ABCB11: variants seen among roughly 807,000 people sequenced by gnomAD.
ABCB11 encodes the protein ATP binding cassette subfamily B member 11.
ABCB11 carries 95 observed loss-of-function variants against 148.0 expected under a neutral mutation model. The observed-to-expected ratio is 0.64, with a 90% confidence interval of 0.54 to 0.76. The LOEUF is 0.76. ABCB11 is among the 30% of genes least tolerant of loss of function. ABCB11 has a pLI of 0.00. For missense variants in ABCB11, 1,523 were observed against 1,617.8 expected (o/e 0.94, Z 1.01); for synonymous variants, 591 against 555.4 (o/e 1.06, Z -0.90).
In ABCB11 at chr2:168,944,510, T is replaced by G. The variant is rs1376973809; in HGVS notation, c.2610+95A>C. ...AGGATATCCCAATCCCACTGGTCCCTATTCCATAGAAAACATGCAGGTGAT... is the reference window on the plus strand; with the variant it reads ...AGGATATCCCAATCCCACTGGTCCCGATTCCATAGAAAACATGCAGGTGAT... On this transcript the variant is annotated intron_variant, in intron 21 of 27. Transcript: ENST00000650372. 2.4e-5 allele frequency: 33 copies of G among 1,361,030 alleles called. No individual in the cohort carries two copies. In the South Asian group the frequency reaches 4.8e-4, roughly 20 times the overall value. 84.3% of individuals were successfully genotyped at this position (1,361,030 alleles called of 1,614,324 possible). A position where few individuals can be genotyped will look rare whatever the true frequency, so the allele number is the denominator to read the frequency against.
intron 5 of ABCB11, 37 bp downstream of exon 5, chr2:169,013,235 G>T: frequency 2.0e-6 from 3 of 1,506,556 alleles, no homozygotes; most frequent in Non-Finnish European, 2.7e-6. Flanking sequence ...TAAGATATGA[G>T]CAAAAAAGTA....
At chr2:168,965,137 G>A (rs1275784905) in intron 17 of ABCB11, among the ~76,000 whole-genome samples, 2 of 151,820 alleles carry the variant, frequency 1.3e-5, no homozygotes, top group African/African-American at 2.4e-5. Flanking sequence ...TGGATGAGAT[G>A]GCTAAGGTAG....
intron 5 of ABCB11, among the ~76,000 whole-genome samples, chr2:169,012,237 T>C (rs966530290): frequency 6.6e-6 from 1 of 152,186 alleles, no homozygotes; most frequent in Non-Finnish European, 1.5e-5. Flanking sequence ...CCCTTGATTC[T>C]TGAACCTGAA....
intron 6 of ABCB11, among the ~76,000 whole-genome samples, chr2:168,996,337 A>C (rs566802411): frequency 6.6e-6 from 1 of 152,082 alleles, no homozygotes; most frequent in South Asian, 2.1e-4. Context: ...TGCCCCCTAC[A>C]AACACACCTG....
At chr2:168,983,679 T>C (rs961372342) in intron 10 of ABCB11, among the ~76,000 whole-genome samples, 3 of 152,158 alleles carry the variant, frequency 2.0e-5, no homozygotes, top group Admixed American at 6.6e-5. Context: ...GATAATCACT[T>C]CCATTTGCAA....
intron 19 of ABCB11, among the ~76,000 whole-genome samples, chr2:168,948,827 C>A (rs1460902950): frequency 3.3e-5 from 5 of 151,644 alleles, no homozygotes; most frequent in Non-Finnish European, 5.9e-5. Context: ...GGGGGCAATG[C>A]GAAAACTACA....
At chr2:169,020,558 A>C (rs1695506619) in intron 1 of ABCB11, among the ~76,000 whole-genome samples, 1 of 152,212 alleles carries the variant, frequency 6.6e-6, no homozygotes, top group African/African-American at 2.4e-5. Flanking sequence ...ATGTATGTAG[A>C]TTGAAGTACT....
At chr2:168,995,728 A>G (rs1694691934) in intron 6 of ABCB11, among the ~76,000 whole-genome samples, 1 of 151,894 alleles carries the variant, frequency 6.6e-6, no homozygotes. Flanking sequence ...AAGCAGGCCC[A>G]TGTCTTCTGG....
At chr2:168,937,969 T>C (rs1327463412) in intron 21 of ABCB11, among the ~76,000 whole-genome samples, 1 of 152,198 alleles carries the variant, frequency 6.6e-6, no homozygotes, top group African/African-American at 2.4e-5. Flanking sequence ...GCACACTCTG[T>C]AGAAAATACT....
chr2:168,918,932 AT>A (rs1337201869), downstream of ABCB11, among the ~76,000 whole-genome samples: 6 of 151,678 alleles, frequency 4.0e-5, no homozygotes, highest in Admixed American at 6.6e-5. Flanking sequence ...CTTAAACTTT[AT>A]TTTTTTCAAT....
chr2:168,993,931 A>T, intron 7 of ABCB11, 49 bp from the exon 8 acceptor site: 1 of 1,450,128 alleles, frequency 6.9e-7, no homozygotes, highest in Non-Finnish European at 9.5e-7. Context: ...TGATCATTCA[A>T]ATATCTTGCT....
chr2:168,991,135 C>T (rs1399071653), intron 8 of ABCB11, among the ~76,000 whole-genome samples: 1 of 152,022 alleles, frequency 6.6e-6, no homozygotes, highest in Admixed American at 6.6e-5. Flanking sequence ...ATCAAAATGA[C>T]CCTACTAAAA....
intron 18 of ABCB11, among the ~76,000 whole-genome samples, chr2:168,962,652 G>A (rs935067329): frequency 4.6e-5 from 7 of 151,596 alleles, no homozygotes; most frequent in African/African-American, 1.7e-4. Flanking sequence ...AAATATGATT[G>A]GTATTGTTAT....
At chr2:168,964,553 G>A (rs1693215056) in intron 17 of ABCB11, among the ~76,000 whole-genome samples, 2 of 151,698 alleles carry the variant, frequency 1.3e-5, no homozygotes, top group Admixed American at 6.6e-5. Flanking sequence ...AGTGTAGTCA[G>A]GGAGGGAGAA....
chr2:168,987,309 A>C (rs988915014), intron 9 of ABCB11, among the ~76,000 whole-genome samples: 1 of 150,970 alleles, frequency 6.6e-6, no homozygotes, highest in Non-Finnish European at 1.5e-5. Context: ...AGTACTCAAT[A>C]AATACCAGAT....
intron 25 of ABCB11, among the ~76,000 whole-genome samples, chr2:168,929,739 G>A (rs930199745): frequency 3.9e-5 from 6 of 152,096 alleles, no homozygotes; most frequent in African/African-American, 1.2e-4. Flanking sequence ...GAAGAGCAAC[G>A]GAAGCAGATC....
intron 18 of ABCB11, 131 bp from the exon 19 acceptor site, chr2:168,958,259 A>G: frequency 2.5e-6 from 2 of 792,632 alleles, no homozygotes; most frequent in Non-Finnish European, 3.9e-6. Flanking sequence ...TCTATGGGAT[A>G]TGGTTGTTTG....
chr2:168,997,006 T>A (rs990971944), intron 5 of ABCB11, among the ~76,000 whole-genome samples: 3 of 151,870 alleles, frequency 2.0e-5, no homozygotes, highest in Non-Finnish European at 4.4e-5. Context: ...GCTAGGACTA[T>A]GAAATAATTA....
At chr2:169,013,703 A>C (rs1695266443) in intron 4 of ABCB11, among the ~76,000 whole-genome samples, 193 bp from the exon 5 acceptor site, 3 of 152,146 alleles carry the variant, frequency 2.0e-5, no homozygotes, top group African/African-American at 7.2e-5. Flanking sequence ...ATTATCTAAA[A>C]CATTAGACTC....
Sources: allele counts gnomAD v4.1 joint callset (sites outside exome capture counted in the v4.1 genomes callset), GRCh38; gene constraint gnomAD v4.1.1; transcripts MANE v1.5; gene names NCBI Gene and HGNC (gene_info 2026-07-23, HGNC 2026-07-21).